Variants in CNTNAP5 observed in about 807,000 individuals in gnomAD.
The protein encoded by CNTNAP5 is contactin associated protein family member 5, also known as contactin-associated protein-like 5.
A neutral mutation model predicts 150.2 loss-of-function variants in CNTNAP5; 72 were observed. That is an observed-to-expected ratio of 0.48 (90% CI 0.40 to 0.58). The LOEUF (loss-of-function observed/expected upper bound fraction) is 0.58. Among genes scored for constraint, CNTNAP5 ranks in the 20% least tolerant of loss-of-function variants. CNTNAP5 has a pLI of 0.00. For synonymous variants in CNTNAP5, 672 were observed against 619.8 expected (o/e 1.08, Z -1.25); for missense variants, 1,636 against 1,626.2 (o/e 1.01, Z -0.10).
At position 124,171,442 on chromosome 2, in the gene CNTNAP5, T is replaced by C. The variant is rs141844556; in HGVS notation, c.83-50263T>C. Among the ~76,000 whole-genome samples, 827 of 152,238 alleles carry C rather than the reference T, an allele frequency of 5.4e-3. 7 individuals carry two copies. Among genetic ancestry groups the C allele is most frequent in the African/African-American group, 0.019 (770 of 41,546 alleles). On this transcript the variant is annotated intron_variant, in intron 1 of 23. Transcript: ENST00000682447. The stretch of plus-strand genomic sequence containing the variant: ...AATTTGAGCTGTTCTCTTGATATGA[T>C]GGCAGCTCCTGGATGGGCACCAAGA...
chr2:124,679,571 C>CTT (rs1217046501), intron 13 of CNTNAP5, among the ~76,000 whole-genome samples: 1 of 145,302 alleles, frequency 6.9e-6, no homozygotes, highest in Non-Finnish European at 1.5e-5. Flanking sequence ...TGTCCCATAT[C>CTT]TTTTTTTTTT....
chr2:124,040,621 CTGTGTG>C (rs58364625), intron 1 of CNTNAP5, among the ~76,000 whole-genome samples: 35 of 145,038 alleles, frequency 2.4e-4, no homozygotes, highest in African/African-American at 6.4e-4. Flanking sequence ...CTGTATGCCT[CTGTGTG>C]TGTGTGTGTG....
At chr2:124,440,074 C>T (rs1460575771) in intron 5 of CNTNAP5, among the ~76,000 whole-genome samples, 1 of 152,114 alleles carries the variant, frequency 6.6e-6, no homozygotes, top group Non-Finnish European at 1.5e-5. Context: ...AACCCCTATT[C>T]TTTGAGTCCT....
intron 12 of CNTNAP5, among the ~76,000 whole-genome samples, chr2:124,628,517 G>T (rs1295568502): frequency 1.3e-5 from 2 of 152,160 alleles, no homozygotes; most frequent in African/African-American, 4.8e-5. Context: ...CGCAAATGCT[G>T]AGGCATTTTT....
At chr2:124,656,782 C>T (rs1303313160) in intron 13 of CNTNAP5, among the ~76,000 whole-genome samples, 1 of 152,112 alleles carries the variant, frequency 6.6e-6, no homozygotes, top group Non-Finnish European at 1.5e-5. Context: ...TTATGAAAGC[C>T]CATGTCCACT....
chr2:124,320,465 A>G (rs981329457), intron 3 of CNTNAP5, among the ~76,000 whole-genome samples: 11 of 152,208 alleles, frequency 7.2e-5, no homozygotes, highest in Non-Finnish European at 1.6e-4. Context: ...GACATCTGCA[A>G]GGCCCCAAGT....
At chr2:124,516,842 GA>G (rs1432466080) in intron 8 of CNTNAP5, among the ~76,000 whole-genome samples, 2 of 151,936 alleles carry the variant, frequency 1.3e-5, no homozygotes, top group Admixed American at 1.3e-4. Flanking sequence ...AAATTTTATG[GA>G]GGAATTGGTG....
chr2:124,557,886 G>A (rs1020982562), intron 10 of CNTNAP5, among the ~76,000 whole-genome samples: 2 of 152,124 alleles, frequency 1.3e-5, no homozygotes, highest in Non-Finnish European at 2.9e-5. Context: ...TGACAAGGTA[G>A]CATTCTTGGT....
At chr2:124,151,084 T>C (rs778929022) in intron 1 of CNTNAP5, among the ~76,000 whole-genome samples, 43 of 152,136 alleles carry the variant, frequency 2.8e-4, no homozygotes, top group Non-Finnish European at 5.3e-4. Flanking sequence ...GCAGAAGACC[T>C]AACACGGTCT....
chr2:124,896,674 G>T (rs749268564), intron 21 of CNTNAP5, among the ~76,000 whole-genome samples: 1 of 151,230 alleles, frequency 6.6e-6, no homozygotes, highest in Non-Finnish European at 1.5e-5. Flanking sequence ...AAGTAGCTGA[G>T]ATTACAGGTG....
intron 2 of CNTNAP5, among the ~76,000 whole-genome samples, chr2:124,236,629 C>G (rs1390969063): frequency 6.6e-6 from 1 of 152,154 alleles, no homozygotes; most frequent in Admixed American, 6.6e-5. Context: ...ACATCTAGAA[C>G]TTTTACTTAC....
At chr2:124,533,043 T>C (rs896098663) in intron 10 of CNTNAP5, among the ~76,000 whole-genome samples, 1 of 151,754 alleles carries the variant, frequency 6.6e-6, no homozygotes, top group African/African-American at 2.4e-5. Flanking sequence ...TTGTCCCCCC[T>C]CCCAAATCAG....
chr2:124,219,357 A>G (rs942315964), intron 1 of CNTNAP5, among the ~76,000 whole-genome samples: 14 of 152,184 alleles, frequency 9.2e-5, no homozygotes, highest in Non-Finnish European at 1.5e-5. Context: ...AGTTGTATAC[A>G]TGCTCAGTGT....
chr2:124,900,045 T>C (rs1416736085), intron 21 of CNTNAP5, among the ~76,000 whole-genome samples: 1 of 151,400 alleles, frequency 6.6e-6, no homozygotes, highest in East Asian at 1.9e-4. Context: ...TCATAAAGAC[T>C]TGGGTTTAAA....
intron 11 of CNTNAP5, among the ~76,000 whole-genome samples, chr2:124,603,047 C>T (rs904121897): frequency 1.4e-4 from 20 of 141,456 alleles, no homozygotes; most frequent in African/African-American, 4.6e-4. Flanking sequence ...TCCTACCTTC[C>T]TTCCTTCCTT....
At chr2:124,554,402 C>G (rs996105477) in intron 10 of CNTNAP5, among the ~76,000 whole-genome samples, 1 of 149,174 alleles carries the variant, frequency 6.7e-6, no homozygotes, top group Non-Finnish European at 1.5e-5. Flanking sequence ...GGATCTAAAT[C>G]AGTTGTCTCA....
At chr2:124,899,884 G>T (rs1678380485) in intron 21 of CNTNAP5, among the ~76,000 whole-genome samples, 1 of 151,334 alleles carries the variant, frequency 6.6e-6, no homozygotes, top group Non-Finnish European at 1.5e-5. Flanking sequence ...ATTCTGTGAG[G>T]CACTTAACCA....
intron 21 of CNTNAP5, among the ~76,000 whole-genome samples, chr2:124,875,698 G>GTTTTTTTTT (rs5834090): frequency 2.4e-5 from 3 of 126,782 alleles, no homozygotes; most frequent in Non-Finnish European, 1.7e-5. Flanking sequence ...AACCATGAGG[G>GTTTTTTTTT]TTTTTTTTTT....
chr2:124,437,708 G>C (rs994522960), intron 5 of CNTNAP5, among the ~76,000 whole-genome samples: 1 of 151,876 alleles, frequency 6.6e-6, no homozygotes, highest in Non-Finnish European at 1.5e-5. Flanking sequence ...AAGGGGAAAG[G>C]GTTTATAACA....
Sources: allele counts gnomAD v4.1 joint callset (sites outside exome capture counted in the v4.1 genomes callset), GRCh38; gene constraint gnomAD v4.1.1; transcripts MANE v1.5; gene names NCBI Gene and HGNC (gene_info 2026-07-23, HGNC 2026-07-21).